Variants in TAF13 observed in about 807,000 individuals in gnomAD.
TAF13 encodes transcription initiation factor TFIID subunit 13.
A neutral mutation model predicts 18.7 loss-of-function variants in TAF13; 9 were observed. The observed-to-expected ratio is 0.48, with a 90% CI of 0.29 to 0.84. TAF13 has a LOEUF of 0.84. Ranked by LOEUF, TAF13 falls within the 40% of genes least tolerant of loss-of-function variation. TAF13 has a pLI of 0.08. For synonymous variants in TAF13, 49 were observed against 44.1 expected, an observed-to-expected ratio of 1.11 and a Z score of -0.44; for missense variants, 105 against 146.5, an observed-to-expected ratio of 0.72 and a Z score of 1.46.
At chr1:109,074,540 AC>A (rs1282340002) in intron 2 of TAF13, among the ~76,000 whole-genome samples, 1 of 152,034 alleles carries the variant, frequency 6.6e-6, no homozygotes, top group African/African-American at 2.4e-5. Flanking sequence ...CCCGCCAAAT[AC>A]CCCTCTCTGA....
At position 109,071,954 on chromosome 1, in the gene TAF13, G is replaced by GAA. The variant is rs1171636503; in HGVS notation, c.106+3031_106+3032dup. On this transcript the variant is annotated intron_variant, in intron 2 of 3. Transcript: ENST00000338366. ...CAACAGTGAGACTCTGTCTCAAAAAGAAAATATATATATATATATATACAC... is the reference window on the plus strand; with the variant it reads ...CAACAGTGAGACTCTGTCTCAAAAAGAAAAAATATATATATATATATATACAC... Among the ~76,000 whole-genome samples the GAA allele has an allele frequency of 4.1e-3, 166 of 40,434 alleles. 2 individuals carry two copies. The highest frequency in any genetic ancestry group is 0.013 in the Middle Eastern group (1 of 80). 26.5% of individuals were successfully genotyped at this position (40,434 alleles called of 152,430 possible).
At chr1:109,075,106 C>T in intron 1 of TAF13, 41 bp from the exon 2 acceptor site, 1 of 1,485,050 alleles carries the variant, frequency 6.7e-7, no homozygotes, top group Non-Finnish European at 9.2e-7. Context: ...CAAATAATTG[C>T]CTTGCATTTG....
At chr1:109,068,831 G>A (rs907202275) in intron 2 of TAF13, among the ~76,000 whole-genome samples, 109 of 152,050 alleles carry the variant, frequency 7.2e-4, no homozygotes, top group African/African-American at 1.4e-4. Flanking sequence ...GTGAAACCCC[G>A]TCTCTACTAA....
intron 2 of TAF13, among the ~76,000 whole-genome samples, chr1:109,071,346 C>T (rs1403249554): frequency 6.6e-6 from 1 of 151,316 alleles, no homozygotes; most frequent in Non-Finnish European, 1.5e-5. Flanking sequence ...GAGGCTGAGG[C>T]AGGAGAATTG....
intron 1 of TAF13, 123 bp from the exon 2 acceptor site, chr1:109,075,188 A>G: frequency 1.3e-6 from 1 of 779,346 alleles, no homozygotes; most frequent in Admixed American, 2.7e-5. Flanking sequence ...CAGCAAAAAA[A>G]AAAACCACGA....
At chr1:109,073,717 A>T (rs1172335829) in intron 2 of TAF13, among the ~76,000 whole-genome samples, 1 of 151,860 alleles carries the variant, frequency 6.6e-6, no homozygotes, top group Non-Finnish European at 1.5e-5. Flanking sequence ...GCTCGCTACA[A>T]CCTCCACCTC....
At chr1:109,067,336 C>T (rs1663967954) in intron 2 of TAF13, among the ~76,000 whole-genome samples, 1 of 152,062 alleles carries the variant, frequency 6.6e-6, no homozygotes. Context: ...TGGATGGTGG[C>T]TCACGCCTGT....
intron 2 of TAF13, 109 bp downstream of exon 2, chr1:109,074,878 G>T: frequency 1.3e-6 from 1 of 797,682 alleles, no homozygotes; most frequent in Non-Finnish European, 2.0e-6. Flanking sequence ...AGGCTAGTCT[G>T]AGAATATTAT....
chr1:109,066,192 A>G lies in TAF13; in HGVS notation c.147T>C (p.Pro49=). The stretch of plus-strand genomic sequence containing the variant: ...CAAGAATATCCACTGACTCAGTATA[A>G]GGATTCTGGTCATCCCCAAAGCCAT... ...MMYGFGDDQN[P]YTESVDILED... is the part of the protein sequence containing the mutation. Residue 49 remains proline, a synonymous_variant, in exon 3 of 4, where the codon CCT becomes CCC. Transcript: ENST00000338366. 2 of 1,613,060 alleles carry G rather than the reference A, an allele frequency of 1.2e-6. No individual in the cohort carries two copies. The highest frequency in any genetic ancestry group is 1.7e-6 in the Non-Finnish European group (2 of 1,179,692).
At chr1:109,073,519 G>A (rs4520441) in intron 2 of TAF13, among the ~76,000 whole-genome samples, 4,628 of 152,210 alleles carry the variant, frequency 0.03, 79 homozygotes, top group Middle Eastern at 0.058. Context: ...GGCGTGCGCC[G>A]CCACGCCTGA....
intron 1 of TAF13, 68 bp downstream of exon 1, chr1:109,075,853 C>G: frequency 6.2e-7 from 1 of 1,605,390 alleles, no homozygotes; most frequent in South Asian, 1.1e-5. Flanking sequence ...CGATCCTGAA[C>G]TCTGCCTCCG....
At chr1:109,071,861 A>T (rs1166557106) in intron 2 of TAF13, among the ~76,000 whole-genome samples, 1 of 150,940 alleles carries the variant, frequency 6.6e-6, no homozygotes, top group Non-Finnish European at 1.5e-5. Context: ...CTGAAGCAGG[A>T]GAGTCGCTTG....
intron 3 of TAF13, among the ~76,000 whole-genome samples, chr1:109,065,698 G>A (rs980034846): frequency 2.0e-5 from 3 of 152,064 alleles, no homozygotes; most frequent in Admixed American, 1.3e-4. Context: ...CGAGGCTGGC[G>A]GATCACCTGA....
In TAF13 at chr1:109,064,295, T is replaced by C. The variant is rs565608824; in HGVS notation, c.*228A>G. On this transcript the variant is annotated 3_prime_UTR_variant, in exon 4 of 4. Coordinates refer to ENST00000338366, the MANE Select transcript of TAF13 (RefSeq NM_005645.4). ...ATGGTTTGCAAGGTACTTTGACTTA[T>C]GTGTGGTCATTAAAACCCAGTAAGT... 3.6e-5 allele frequency: 12 copies of C among 330,962 alleles called. No homozygotes were observed. The highest frequency in any genetic ancestry group is 9.8e-5 in the South Asian group (1 of 10,186). The allele number at this position is 330,962 out of a possible 1,614,324, so 20.5% of individuals were successfully genotyped here.
chr1:109,067,627 TAA>T (rs1663974515), intron 2 of TAF13, among the ~76,000 whole-genome samples: 2 of 151,766 alleles, frequency 1.3e-5, no homozygotes, highest in South Asian at 2.1e-4. Flanking sequence ...ATAATAATAA[TAA>T]GAGAGACTGT....
chr1:109,071,969 TATATATACACAC>T (rs1265602515), intron 2 of TAF13, among the ~76,000 whole-genome samples: 119 of 3,942 alleles, frequency 0.03, 15 homozygotes, highest in East Asian at 0.057. Context: ...TATATATATA[TATATATACACAC>T]ATATATATAT....
intron 1 of TAF13, 116 bp downstream of exon 1, chr1:109,075,805 C>A (rs1192656444): frequency 1.6e-5 from 23 of 1,400,838 alleles, no homozygotes; most frequent in Non-Finnish European, 2.2e-5. Context: ...GTGAAGTCCC[C>A]GAACTCTGTC....
rs184818173 is a variant in TAF13, at chr1:109,071,180, C to A, written c.106+3807G>T. Reference sequence around the variant, plus strand: ...GTGTGGCCAGGCACGGTGGCTCACGCCTGTAATTCCAGCACTTTGGGAGGC... The same window carrying A: ...GTGTGGCCAGGCACGGTGGCTCACGACTGTAATTCCAGCACTTTGGGAGGC... On this transcript the variant is annotated intron_variant, in intron 2 of 3. Coordinates refer to ENST00000338366, the MANE Select transcript of TAF13 (RefSeq NM_005645.4). Among the ~76,000 whole-genome samples, 633 of 152,162 alleles carry A rather than the reference C, an allele frequency of 4.2e-3. 22 individuals are homozygous for A. Among genetic ancestry groups the A allele is most frequent in the Admixed American group, 0.039 (602 of 15,274 alleles).
intron 2 of TAF13, among the ~76,000 whole-genome samples, chr1:109,071,757 T>C (rs1452321534): frequency 3.3e-5 from 5 of 151,468 alleles, no homozygotes. Context: ...ATCAAGACCA[T>C]CCTGGCCAAC....
Sources: allele counts gnomAD v4.1 joint callset (sites outside exome capture counted in the v4.1 genomes callset), GRCh38; gene constraint gnomAD v4.1.1; transcripts MANE v1.5; gene names NCBI Gene and HGNC (gene_info 2026-07-23, HGNC 2026-07-21).